Variants in GLI2 observed in about 807,000 individuals in gnomAD.
The protein encoded by GLI2 is transcription activator GLI2.
Under a neutral mutation model 78.9 loss-of-function variants are expected in GLI2, and 22 were observed. That is an observed-to-expected ratio of 0.28 (90% CI 0.20 to 0.40). The LOEUF (loss-of-function observed/expected upper bound fraction) is 0.40. Ranked by LOEUF, GLI2 falls within the 10% of genes least tolerant of loss-of-function variation. The probability of loss-of-function intolerance (pLI) is 1.00; values close to 1 mark genes in which losing one functional copy is unlikely to be tolerated. For missense variants in GLI2, 2,097 were observed against 2,213.2 expected (o/e 0.95, Z 1.05); for synonymous variants, 974 against 963.7 (o/e 1.01, Z -0.20).
At chr2:120,927,592 C>A in intron 3 of GLI2, 126 bp downstream of exon 3, 2 of 761,608 alleles carry the variant, frequency 2.6e-6, no homozygotes, top group East Asian at 2.5e-5. Context: ...CTACATTGTC[C>A]TGAGCGGGCG....
intron 3 of GLI2, 107 bp downstream of exon 3, chr2:120,927,573 G>A (rs1054832643): frequency 3.7e-6 from 3 of 803,864 alleles, no homozygotes; most frequent in Non-Finnish European, 6.7e-6. Context: ...TCTTTTGGGG[G>A]TTCCTGATCT....
intron 3 of GLI2, among the ~76,000 whole-genome samples, chr2:120,951,000 G>T (rs982087770): frequency 2.0e-5 from 3 of 152,244 alleles, no homozygotes; most frequent in Non-Finnish European, 4.4e-5. Flanking sequence ...TCTCCAGCGT[G>T]GAACTGGCCG....
chr2:120,794,248 C>T (rs757115691), intron 1 of GLI2, among the ~76,000 whole-genome samples: 2 of 152,136 alleles, frequency 1.3e-5, no homozygotes, highest in Non-Finnish European at 2.9e-5. Flanking sequence ...GTTCATCAGA[C>T]ACAGAAAGGT....
chr2:120,775,375 A>G (rs1683646589), intron 1 of GLI2, among the ~76,000 whole-genome samples: 1 of 152,122 alleles, frequency 6.6e-6, no homozygotes, highest in Non-Finnish European at 1.5e-5. Context: ...ATGTAGCCTC[A>G]CCTCTCCCGG....
chr2:120,879,791 G>C (rs986106342), intron 2 of GLI2, among the ~76,000 whole-genome samples: 2 of 152,200 alleles, frequency 1.3e-5, no homozygotes, highest in African/African-American at 4.8e-5. Flanking sequence ...CTCTGCACGC[G>C]CCTGTTCTAA....
At chr2:120,811,904 A>G (rs149213048) in intron 2 of GLI2, among the ~76,000 whole-genome samples, 12 of 151,446 alleles carry the variant, frequency 7.9e-5, no homozygotes, top group African/African-American at 2.9e-4. Context: ...CTGGGGCCCT[A>G]CTATGCGCCG....
At chr2:120,901,806 C>T (rs1396349449) in intron 2 of GLI2, among the ~76,000 whole-genome samples, 2 of 152,112 alleles carry the variant, frequency 1.3e-5, no homozygotes, top group Non-Finnish European at 2.9e-5. Context: ...GATTTTTACC[C>T]TGGAGTAGAT....
intron 1 of GLI2, among the ~76,000 whole-genome samples, chr2:120,738,321 C>T (rs1240714275): frequency 6.6e-6 from 1 of 152,214 alleles, no homozygotes; most frequent in Non-Finnish European, 1.5e-5. Context: ...TGCTGCTTCT[C>T]TCTTGAGGGT....
intron 11 of GLI2, among the ~76,000 whole-genome samples, chr2:120,983,858 A>T (rs543153593): frequency 6.6e-6 from 1 of 152,296 alleles, no homozygotes; most frequent in African/African-American, 2.4e-5. Flanking sequence ...GTCTCTATGG[A>T]CAAGAGCCAG....
rs529576457 is a variant in GLI2 at position 120,932,794 on chromosome 2, C to T, written c.254+5328C>T. On this transcript the variant is annotated intron_variant, in intron 3 of 13. Coordinates refer to ENST00000361492, the MANE Select transcript of GLI2 (RefSeq NM_001374353.1). ...ACTTGCTGATTTGAGAAGGGGGCCACGGCAGGCTGGGAGACTGGGTGGCAG... is the reference window on the plus strand; with the variant it reads ...ACTTGCTGATTTGAGAAGGGGGCCATGGCAGGCTGGGAGACTGGGTGGCAG... Among the ~76,000 whole-genome samples the T allele has an allele frequency of 6.6e-5, 10 of 152,250 alleles. No homozygotes were observed. In the East Asian group the frequency reaches 7.7e-4, roughly 12 times the overall value.
At chr2:120,873,010 T>A (rs546131677) in intron 2 of GLI2, among the ~76,000 whole-genome samples, 1 of 152,270 alleles carries the variant, frequency 6.6e-6, no homozygotes, top group Non-Finnish European at 1.5e-5. Flanking sequence ...TTGGAATATA[T>A]GCTTGCAGTC....
At chr2:120,860,992 T>C (rs1687877079) in intron 2 of GLI2, among the ~76,000 whole-genome samples, 2 of 152,154 alleles carry the variant, frequency 1.3e-5, no homozygotes, top group Admixed American at 1.3e-4. Context: ...ATGATATAAA[T>C]GATGATGAAT....
At chr2:120,830,120 C>A (rs373570025) in intron 2 of GLI2, among the ~76,000 whole-genome samples, 1 of 152,156 alleles carries the variant, frequency 6.6e-6, no homozygotes, top group Non-Finnish European at 1.5e-5. Flanking sequence ...TCTTTCTAAC[C>A]GGCCACAAGA....
intron 4 of GLI2, among the ~76,000 whole-genome samples, chr2:120,954,359 G>T (rs947868586): frequency 6.6e-6 from 1 of 152,146 alleles, no homozygotes; most frequent in African/African-American, 2.4e-5. Flanking sequence ...GGCTGTGGGC[G>T]ATCAGCCTGG....
Position 120,968,698 on chromosome 2 carries a change from G to A in GLI2, c.644-16G>A. The stretch of plus-strand genomic sequence containing the variant: ...CCCCAGTGATGCTGACCTGTCTTGT[G>A]TTGACTATCCCACAGTGTCCCGTTT... On this transcript the variant is annotated splice_polypyrimidine_tract_variant and intron_variant, in intron 5 of 13. Transcript: ENST00000361492. The A allele has an allele frequency of 1.9e-6, 3 of 1,598,662 alleles. No homozygotes were observed. Among genetic ancestry groups the A allele is most frequent in the East Asian group, 4.5e-5 (2 of 44,788 alleles).
chr2:120,806,330 C>T (rs563077294), intron 2 of GLI2, among the ~76,000 whole-genome samples: 1 of 152,156 alleles, frequency 6.6e-6, no homozygotes, highest in Non-Finnish European at 1.5e-5. Context: ...CAGATGGTCC[C>T]GAACTGTGGA....
At chr2:120,902,595 T>A (rs1409232988) in intron 2 of GLI2, among the ~76,000 whole-genome samples, 1 of 152,118 alleles carries the variant, frequency 6.6e-6, no homozygotes, top group Non-Finnish European at 1.5e-5. Flanking sequence ...TTGTTGTAGA[T>A]GATGGCCAAA....
rs561641376 is a variant in GLI2, at chr2:120,887,806, G to A, written c.149-39555G>A. Among the ~76,000 whole-genome samples the A allele has an allele frequency of 9.8e-5, 15 of 152,328 alleles. No homozygotes were observed. In the South Asian group the frequency reaches 3.1e-3, roughly 32 times the overall value. On this transcript the variant is annotated intron_variant, in intron 2 of 13. Transcript: ENST00000361492. ...GCTCAGCACACTCTTAAGAGGAAGG[G>A]GAGCGCTAATACCAGCGTTTGCCCA...
intron 2 of GLI2, among the ~76,000 whole-genome samples, chr2:120,879,863 A>T (rs1357406330): frequency 1.3e-5 from 2 of 152,222 alleles, no homozygotes; most frequent in Non-Finnish European, 2.9e-5. Context: ...GAGCCAGAGA[A>T]GCCAGCCAGT....
Sources: gnomAD v4.1 joint callset for allele counts (sites outside exome capture counted in the v4.1 genomes callset) on GRCh38, gnomAD v4.1.1 for gene constraint, MANE v1.5 for transcripts, NCBI Gene and HGNC (gene_info 2026-07-23, HGNC 2026-07-21) for gene names.